The following GRN variants were observed in gnomAD, a reference collection of about 807,000 sequenced individuals.
GRN encodes granulin precursor.
Under a neutral mutation model 66.7 loss-of-function variants are expected in GRN, and 30 were observed. The observed-to-expected ratio is 0.45, with a 90% CI of 0.34 to 0.61. The LOEUF (loss-of-function observed/expected upper bound fraction) is 0.61. GRN is among the 20% of genes least tolerant of loss of function. GRN has a pLI of 0.01. For synonymous variants in GRN, 327 were observed against 311.1 expected, an observed-to-expected ratio of 1.05 and a Z score of -0.54; for missense variants, 731 against 803.5, an observed-to-expected ratio of 0.91 and a Z score of 1.09.
chr17:44,349,579 G>C (rs1378450528), intron 3 of GRN, 28 bp downstream of exon 3: 1 of 1,613,952 alleles, frequency 6.2e-7, no homozygotes, highest in East Asian at 2.2e-5. Flanking sequence ...CCAGTGGAGG[G>C]GCTTAGGTCT....
chr17:44,349,658 G>T lies in GRN; in HGVS notation c.265-9G>T. 6.2e-7 allele frequency: 1 copy of T among 1,613,212 alleles called. No homozygotes were observed. Among genetic ancestry groups the T allele is most frequent in the Non-Finnish European group, 8.5e-7 (1 of 1,179,218 alleles). ...GCCCTGCCAATGCAGGTTTCTCTGT[G>T]TTCCACAGGCCGTGGCATGCGGGGA... On this transcript the variant is annotated splice_polypyrimidine_tract_variant and intron_variant, in intron 3 of 12. Coordinates refer to ENST00000053867, the MANE Select transcript of GRN (RefSeq NM_002087.4).
rs151050549 is a variant in GRN, at chr17:44,351,141, C to T, written c.813C>T (p.Leu271=). The change falls in exon 8 of 13, where the codon CTC becomes CTT. Residue 271 remains leucine (L), a synonymous_variant. Coordinates refer to ENST00000053867, the MANE Select transcript of GRN (RefSeq NM_002087.4). The stretch of plus-strand genomic sequence containing the variant: ...AGGAGAACGCTACCACGGACCTCCT[C>T]ACTAAGCTGCCTGCGCACACAGGTA... ...LSKENATTDL[L]TKLPAHTVGD... 3 of 1,614,138 alleles carry T rather than the reference C, an allele frequency of 1.9e-6. No homozygotes were observed. Among genetic ancestry groups the T allele is most frequent in the African/African-American group, 1.3e-5 (1 of 75,054 alleles).
Position 44,351,694 on chromosome 17 carries a change from T to G in GRN, c.1078T>G (p.Leu360Val). 6.2e-7 allele frequency: 1 copy of G among 1,613,972 alleles called. No homozygotes were observed. Among genetic ancestry groups the G allele is most frequent in the Non-Finnish European group, 8.5e-7 (1 of 1,179,974 alleles). The change falls in exon 10 of 13, where the codon TTG becomes GTG. Residue 360 changes from leucine to valine, a missense_variant. Coordinates refer to ENST00000053867, the MANE Select transcript of GRN (RefSeq NM_002087.4). ...CCTCAGCCTGCCAGACCCACAAGCC[T>G]TGAAGAGAGATGTCCCCTGTGATAA... Reference protein sequence around the residue: ...AHLSLPDPQALKRDVPCDNVS... With the variant: ...AHLSLPDPQAVKRDVPCDNVS...
rs758900589 is a variant in GRN, at chr17:44,351,397, C to T, written c.870C>T (p.Cys290=). 3 of 1,613,842 alleles carry T rather than the reference C, an allele frequency of 1.9e-6. No homozygotes were observed. The highest frequency in any genetic ancestry group is 2.5e-6 in the Non-Finnish European group (3 of 1,179,748). The stretch of plus-strand genomic sequence containing the variant: ...TGAAATGTGACATGGAGGTGAGCTG[C>T]CCAGATGGCTATACCTGCTGCCGTC... ...GDVKCDMEVS[C]PDGYTCCRLQ... is the part of the protein sequence containing the mutation. The change falls in exon 9 of 13, where the codon TGC becomes TGT. Residue 290 remains cysteine (C), a synonymous_variant. Coordinates refer to ENST00000053867, the MANE Select transcript of GRN (RefSeq NM_002087.4).
rs201686997 is a variant in GRN at position 44,349,704 on chromosome 17, G to A, written c.302G>A (p.Arg101Gln). Residue 101 changes from arginine to glutamine, a missense_variant, in exon 4 of 13, where the codon CGG becomes CAG. Arg to Gln is a conservative substitution (Grantham distance 43). Transcript: ENST00000053867. ...GGGGATGGCCATCACTGCTGCCCAC[G>A]GGGCTTCCACTGCAGTGCAGACGGG... ...ACGDGHHCCP[R>Q]GFHCSADGRS... 2.2e-5 allele frequency: 35 copies of A among 1,613,200 alleles called. No homozygotes were observed. The highest frequency in any genetic ancestry group is 8.9e-5 in the East Asian group (4 of 44,882).
Position 44,352,908 on chromosome 17 carries a change from G to A in GRN, c.*110G>A, listed in dbSNP as rs2048393344. The A allele has an allele frequency of 1.9e-6, 2 of 1,065,064 alleles. No individual in the cohort carries two copies. Among genetic ancestry groups the A allele is most frequent in the Admixed American group, 1.9e-5 (1 of 51,302 alleles). The allele number at this position is 1,065,064 out of a possible 1,614,324, so 66.0% of individuals were successfully genotyped here. A position where few individuals can be genotyped will look rare whatever the true frequency, so the allele number is the denominator to read the frequency against. ...CCAAATTCTCCCTGGACCCCATTCTGAGCTCCCCATCACCATGGGAGGTGG... is the reference window on the plus strand; with the variant it reads ...CCAAATTCTCCCTGGACCCCATTCTAAGCTCCCCATCACCATGGGAGGTGG... On this transcript the variant is annotated 3_prime_UTR_variant, in exon 13 of 13. Transcript: ENST00000053867.
rs201656096 is a variant in GRN, at chr17:44,349,381, C to T, written c.139-45C>T. ...TCATCTTGGATTGGCCAGAGGAGGA[C>T]GCCAGGCACAAGTCTGTGGTTTATC... On this transcript the variant is annotated intron_variant, in intron 2 of 12. Coordinates refer to ENST00000053867, the MANE Select transcript of GRN (RefSeq NM_002087.4). 44 of 1,614,114 alleles carry T rather than the reference C, an allele frequency of 2.7e-5. No homozygotes were observed. In the Middle Eastern group the frequency reaches 9.9e-4, roughly 36 times the overall value.
Position 44,352,163 on chromosome 17 carries a change from G to A in GRN, c.1328G>A (p.Gly443Asp). The A allele has an allele frequency of 4.3e-6, 7 of 1,613,740 alleles. No individual in the cohort carries two copies. Among genetic ancestry groups the A allele is most frequent in the Non-Finnish European group, 5.9e-6 (7 of 1,179,980 alleles). Reference protein sequence around the residue: ...RASLSHPRDIGCDQHTSCPVG... With the variant: ...RASLSHPRDIDCDQHTSCPVG... Reference sequence around the variant, plus strand: ...TCCTTATCCCACCCCAGAGACATCGGCTGTGACCAGCACACCAGCTGCCCG... The same window carrying A: ...TCCTTATCCCACCCCAGAGACATCGACTGTGACCAGCACACCAGCTGCCCG... The change falls in exon 11 of 13, where the codon GGC becomes GAC. Residue 443 changes from glycine to aspartate, a missense_variant. Transcript: ENST00000053867.
chr17:44,351,747 C>T lies in GRN; in HGVS notation c.1131C>T (p.Thr377=). The T allele has an allele frequency of 6.2e-7, 1 of 1,613,688 alleles. No homozygotes were observed. Among genetic ancestry groups the T allele is most frequent in the Non-Finnish European group, 8.5e-7 (1 of 1,179,890 alleles). The change falls in exon 10 of 13, where the codon ACC becomes ACT. Residue 377 remains threonine, a synonymous_variant. Coordinates refer to ENST00000053867, the MANE Select transcript of GRN (RefSeq NM_002087.4). ...TCAGCAGCTGTCCCTCCTCCGATAC[C>T]TGCTGCCAACTCACGTCTGGGGAGT... The part of the protein sequence containing the change: ...DNVSSCPSSD[T]CCQLTSGEWG...
intron 7 of GRN, 42 bp downstream of exon 7, chr17:44,350,842 C>A (rs1362979005): frequency 1.3e-6 from 2 of 1,509,716 alleles, no homozygotes; most frequent in East Asian, 2.3e-5. Flanking sequence ...GTGCCCCCAG[C>A]CACCTGGCCC....
At chr17:44,351,948 G>C (rs1212850340) in intron 10 of GRN, 67 bp from the exon 11 acceptor site, 1 of 1,478,616 alleles carries the variant, frequency 6.8e-7, no homozygotes, top group African/African-American at 1.4e-5. Flanking sequence ...GGCTGGAGTA[G>C]GTAGGGGCTC....
rs553396724 is a variant in GRN at position 44,351,936 on chromosome 17, C to T, written c.1180-79C>T. On this transcript the variant is annotated intron_variant, in intron 10 of 12. Transcript: ENST00000053867. Reference sequence around the variant, plus strand: ...CTGGAGGTGCTGTAAGCAGGAGAGGCGGGCTGGAGTAGGTAGGGGCTCGGC... The same window carrying T: ...CTGGAGGTGCTGTAAGCAGGAGAGGTGGGCTGGAGTAGGTAGGGGCTCGGC... 279 of 1,455,162 alleles carry T rather than the reference C, an allele frequency of 1.9e-4. 5 individuals carry two copies. The South Asian group carries it at 2.8e-3, about 15-fold the overall frequency. The allele number at this position is 1,455,162 out of a possible 1,614,324, so 90.1% of individuals were successfully genotyped here. A position where few individuals can be genotyped will look rare whatever the true frequency, so the allele number is the denominator to read the frequency against.
rs375682522 is a variant in GRN, at chr17:44,352,424, G to C, written c.1497G>C (p.Val499=). ...AGGCTCGATCCTGCGAGAAGGAAGT[G>C]GTCTCTGCCCAGCCTGCCACCTTCC... The part of the protein sequence containing the change: ...NVKARSCEKE[V]VSAQPATFLA... Residue 499 remains valine, a synonymous_variant, in exon 12 of 13, where the codon GTG becomes GTC. Coordinates refer to ENST00000053867, the MANE Select transcript of GRN (RefSeq NM_002087.4). 33 of 1,613,958 alleles carry C rather than the reference G, an allele frequency of 2.0e-5. No individual in the cohort carries two copies. Among genetic ancestry groups the C allele is most frequent in the South Asian group, 2.0e-4 (18 of 91,092 alleles).
chr17:44,348,536 A>C (rs1042354781), intron 1 of GRN, among the ~76,000 whole-genome samples: 11 of 152,176 alleles, frequency 7.2e-5, no homozygotes, highest in African/African-American at 2.7e-4. Flanking sequence ...GGGGACATTC[A>C]TGGGCAGATG....
intron 1 of GRN, among the ~76,000 whole-genome samples, chr17:44,348,927 G>A (rs1368760448): frequency 6.6e-6 from 1 of 152,254 alleles, no homozygotes; most frequent in Non-Finnish European, 1.5e-5. Context: ...ACGCATGTCA[G>A]CATTCATGCT....
rs1456999060 is a variant in GRN, at chr17:44,349,463, G to A, written c.176G>A (p.Gly59Asp). The A allele has an allele frequency of 1.2e-6, 2 of 1,614,042 alleles. No individual in the cohort carries two copies. Among genetic ancestry groups the A allele is most frequent in the Non-Finnish European group, 8.5e-7 (1 of 1,180,020 alleles). Reference protein sequence around the residue: ...WPTTLSRHLGGPCQVDAHCSA... With the variant: ...WPTTLSRHLGDPCQVDAHCSA... ...ACAACACTGAGCAGGCATCTGGGTG[G>A]CCCCTGCCAGGTTGATGCCCACTGC... Residue 59 changes from glycine (G) to aspartate (D), a missense_variant, in exon 3 of 13, where the codon GGC becomes GAC. By Grantham distance (94) the Gly-to-Asp change is moderately conservative. Coordinates refer to ENST00000053867, the MANE Select transcript of GRN (RefSeq NM_002087.4).
In GRN at chr17:44,350,453, T is replaced by C. The variant is rs147948990; in HGVS notation, c.474T>C (p.Cys158=). The part of the protein sequence containing the change: ...GCCPMPQASC[C]EDRVHCCPHG... ...CCATTTTTTCTCAGGCTTCCTGCTG[T>C]GAAGACAGGGTGCACTGCTGTCCGC... Residue 158 remains cysteine (C), a synonymous_variant, in exon 6 of 13, where the codon TGT becomes TGC. Transcript: ENST00000053867. 4.3e-6 allele frequency: 7 copies of C among 1,613,836 alleles called. No homozygotes were observed. The African/African-American group carries it at 8.0e-5, about 18-fold the overall frequency.
intron 8 of GRN, 82 bp downstream of exon 8, chr17:44,351,245 G>A: frequency 6.4e-7 from 1 of 1,568,876 alleles, no homozygotes; most frequent in African/African-American, 1.3e-5. Flanking sequence ...CTGCAAGGTG[G>A]TGTAAGCGGT....
chr17:44,347,813 G>A (rs749979009), intron 1 of GRN, among the ~76,000 whole-genome samples: 12 of 151,640 alleles, frequency 7.9e-5, no homozygotes, highest in Admixed American at 1.3e-4. Context: ...TTAGCCAGGC[G>A]TGGTGGCGAG....
Sources: gnomAD v4.1 joint callset for allele counts (sites outside exome capture counted in the v4.1 genomes callset) on GRCh38, gnomAD v4.1.1 for gene constraint, MANE v1.5 for transcripts, NCBI Gene and HGNC (gene_info 2026-07-23, HGNC 2026-07-21) for gene names.